VPS13A: variants seen among roughly 807,000 people sequenced by gnomAD.
VPS13A encodes vacuolar protein sorting 13 homolog A, also known as intermembrane lipid transfer protein VPS13A.
VPS13A carries 264 observed loss-of-function variants against 390.9 expected under a neutral mutation model. That is an observed-to-expected ratio of 0.68 (90% confidence interval 0.61 to 0.75). VPS13A has a LOEUF of 0.75. VPS13A is among the 30% of genes least tolerant of loss of function. The probability of loss-of-function intolerance (pLI) is 0.00; values close to 1 mark genes in which losing one functional copy is unlikely to be tolerated. For missense variants in VPS13A, 3,409 were observed against 3,733.9 expected, an observed-to-expected ratio of 0.91 and a Z score of 2.27; for synonymous variants, 1,231 against 1,227.1, an observed-to-expected ratio of 1.00 and a Z score of -0.07.
At chr9:77,352,030 T>G (rs1046922061) in intron 53 of VPS13A, among the ~76,000 whole-genome samples, 1 of 152,258 alleles carries the variant, frequency 6.6e-6, no homozygotes, top group Non-Finnish European at 1.5e-5. Context: ...TTATTTTGTT[T>G]ACATCATTTG....
Position 77,250,145 on chromosome 9 carries a change from G to A in VPS13A, c.2086G>A (p.Ala696Thr), listed in dbSNP as rs763728288. ...ATTACCAGATGTGAAACAAGGTGAG[G>A]CCAATCTTAAAGAGATAATGGATAG... ...SELPDVKQGE[A>T]NLKEIMDRAY... The change falls in exon 21 of 72, where the codon GCC becomes ACC. Residue 696 changes from alanine (A) to threonine (T), a missense_variant. Around this residue, in one of 5 missense-constraint regions of VPS13A, gnomAD observed 2,717 missense variants for 2,917.4 expected, o/e 0.93. Transcript: ENST00000360280. 5.0e-6 allele frequency: 8 copies of A among 1,613,892 alleles called. No individual in the cohort carries two copies. Among genetic ancestry groups the A allele is most frequent in the Non-Finnish European group, 5.9e-6 (7 of 1,179,912 alleles).
chr9:77,220,659 A>G (rs1221509051), intron 12 of VPS13A, among the ~76,000 whole-genome samples: 1 of 152,046 alleles, frequency 6.6e-6, no homozygotes, highest in African/African-American at 2.4e-5. Flanking sequence ...AATTATTACA[A>G]AAACAAATCC....
At chr9:77,381,952 A>G (rs1318397973) in intron 67 of VPS13A, 24 bp from the exon 68 acceptor site, 4 of 1,486,182 alleles carry the variant, frequency 2.7e-6, no homozygotes, top group Non-Finnish European at 2.8e-6. Context: ...TTTTTAAAAT[A>G]AAGTTATATT....
intron 19 of VPS13A, among the ~76,000 whole-genome samples, chr9:77,244,792 A>G (rs1324101019): frequency 6.6e-6 from 1 of 152,058 alleles, no homozygotes; most frequent in Admixed American, 6.5e-5. Flanking sequence ...AATCAGCCCA[A>G]ATGCTGTGAA....
At chr9:77,364,542 G>A (rs1472946135) in intron 59 of VPS13A, among the ~76,000 whole-genome samples, 3 of 152,158 alleles carry the variant, frequency 2.0e-5, no homozygotes, top group African/African-American at 2.4e-5. Flanking sequence ...AAATGCTGAC[G>A]TCCTGTTCTT....
At chr9:77,302,371 T>TC (rs1465990783) in intron 33 of VPS13A, among the ~76,000 whole-genome samples, 1 of 138,960 alleles carries the variant, frequency 7.2e-6, no homozygotes, top group African/African-American at 2.8e-5. Context: ...TTTTCCCCTT[T>TC]TTTTTTTTTT....
chr9:77,227,547 G>GA, intron 16 of VPS13A, 62 bp downstream of exon 16: 2 of 1,321,228 alleles, frequency 1.5e-6, no homozygotes, highest in Non-Finnish European at 2.1e-6. Context: ...TTTAGAGACA[G>GA]GGTCTCACTC....
In VPS13A at chr9:77,221,166, T is replaced by G. The variant is rs569643997; in HGVS notation, c.990-19T>G. ...ACTGTTGATTTGAGGGTGTTAAATG[T>G]TTTTCTTTTTTTAACTAGGTGGGCT... On this transcript the variant is annotated intron_variant, in intron 12 of 71. Coordinates refer to ENST00000360280, the MANE Select transcript of VPS13A (RefSeq NM_033305.3). The G allele has an allele frequency of 8.2e-5, 133 of 1,612,292 alleles. No individual in the cohort carries two copies. The Admixed American group carries it at 9.8e-4, about 12-fold the overall frequency.
chr9:77,211,774 C>G (rs991794311), intron 7 of VPS13A, among the ~76,000 whole-genome samples: 1 of 152,128 alleles, frequency 6.6e-6, no homozygotes. Context: ...GTCTGCCAGC[C>G]TAGACCTGTT....
In VPS13A at chr9:77,295,578, T is replaced by G. The variant is rs1587515055; in HGVS notation, c.3544T>G (p.Leu1182Val). Residue 1182 changes from leucine (L) to valine (V), a missense_variant, in exon 33 of 72, where the codon TTG becomes GTG. Coordinates refer to ENST00000360280, the MANE Select transcript of VPS13A (RefSeq NM_033305.3). ...IDNFQAAKQA[L>V]AEATVQAAGM... ...TAATTTTCAGGCAGCTAAACAAGCCTTGGCTGAGGCAACTGTTCAGGCAGC... is the reference window on the plus strand; with the variant it reads ...TAATTTTCAGGCAGCTAAACAAGCCGTGGCTGAGGCAACTGTTCAGGCAGC... 1 of 1,611,814 alleles carries G rather than the reference T, an allele frequency of 6.2e-7. No homozygotes were observed. The highest frequency in any genetic ancestry group is 2.2e-5 in the East Asian group (1 of 44,810).
intron 47 of VPS13A, chr9:77,337,860 A>G (rs1830617654): frequency 9.8e-6 from 2 of 204,042 alleles, no homozygotes; most frequent in Non-Finnish European, 2.0e-5. Context: ...ATAGGAATCC[A>G]TACATCTTAA....
chr9:77,261,607 C>T lies in VPS13A; in HGVS notation c.2427+1383C>T, dbSNP rs138904661. ...AAAAAAAATTTTTTTTTTTTTGGGA[C>T]GAAGTCTCCCTCTTTTGCTCGGGCT... On this transcript the variant is annotated intron_variant, in intron 23 of 71. Coordinates refer to ENST00000360280, the MANE Select transcript of VPS13A (RefSeq NM_033305.3). 8.0e-4 allele frequency among the ~76,000 whole-genome samples: 118 copies of T among 147,604 alleles called. 1 individual carries two copies. The East Asian group carries it at 0.021, about 26-fold the overall frequency.
intron 61 of VPS13A, 139 bp downstream of exon 61, chr9:77,367,011 C>G (rs1174320677): frequency 5.4e-6 from 4 of 743,660 alleles, no homozygotes; most frequent in Non-Finnish European, 4.3e-6. Flanking sequence ...AAGTGAAGTG[C>G]AATCTGAATA....
Position 77,405,923 on chromosome 9 carries a change from G to C in VPS13A, c.9335G>C (p.Ser3112Thr). 6.2e-7 allele frequency: 1 copy of C among 1,613,920 alleles called. No individual in the cohort carries two copies. The highest frequency in any genetic ancestry group is 8.5e-7 in the Non-Finnish European group (1 of 1,179,988). Residue 3112 changes from serine (S) to threonine (T), a missense_variant, in exon 70 of 72, where the codon AGT (serine) becomes ACT (threonine). Transcript: ENST00000360280. The stretch of plus-strand genomic sequence containing the variant: ...CAACTCACGTGTGAGTGGCAGTATA[G>C]TTTTGATGAATTTACCAAAGAGCCA... ...FGQLTCEWQY[S>T]FDEFTKEPFI...
chr9:77,303,182 A>T, intron 34 of VPS13A, 120 bp downstream of exon 34: 1 of 1,005,300 alleles, frequency 9.9e-7, no homozygotes, highest in Non-Finnish European at 1.5e-6. Flanking sequence ...CAGAATTGAA[A>T]TAGTGATTAT....
chr9:77,348,658 C>G (rs1423433947), intron 52 of VPS13A, among the ~76,000 whole-genome samples: 3 of 152,070 alleles, frequency 2.0e-5, no homozygotes, highest in Non-Finnish European at 4.4e-5. Flanking sequence ...CTATGTGATC[C>G]CTTCCCTTGC....
intron 22 of VPS13A, among the ~76,000 whole-genome samples, chr9:77,252,943 G>T (rs528590278): frequency 1.3e-5 from 2 of 152,284 alleles, no homozygotes; most frequent in African/African-American, 4.8e-5. Flanking sequence ...TAATGCTGCT[G>T]TGTACAAATA....
chr9:77,215,918 G>A (rs1822837223), intron 10 of VPS13A, among the ~76,000 whole-genome samples: 1 of 152,188 alleles, frequency 6.6e-6, no homozygotes, highest in Non-Finnish European at 1.5e-5. Context: ...AAGGTGCTGG[G>A]GGAAGTTGCT....
intron 3 of VPS13A, among the ~76,000 whole-genome samples, chr9:77,204,557 TAC>T (rs1414102214): frequency 1.3e-5 from 2 of 152,212 alleles, no homozygotes; most frequent in Non-Finnish European, 2.9e-5. Context: ...TATACATACA[TAC>T]ATACGTATGT....
Sources: allele counts gnomAD v4.1 joint callset (sites outside exome capture counted in the v4.1 genomes callset), GRCh38; gene constraint gnomAD v4.1.1; regional missense constraint gnomAD v4.1.1; transcripts MANE v1.5; gene names NCBI Gene and HGNC (gene_info 2026-07-23, HGNC 2026-07-21).